VIPAS39: variants seen among roughly 807,000 people sequenced by gnomAD.
VIPAS39 encodes VPS33B interacting protein, apical-basolateral polarity regulator, spe-39 homolog, also known as spermatogenesis-defective protein 39 homolog.
VIPAS39 carries 63 observed loss-of-function variants against 84.7 expected under a neutral mutation model. The observed-to-expected ratio is 0.74, with a 90% confidence interval of 0.61 to 0.92. The LOEUF is 0.92. Ranked by LOEUF, VIPAS39 falls within the 40% of genes least tolerant of loss-of-function variation. The probability of loss-of-function intolerance (pLI) is 0.00; values close to 1 mark genes in which losing one functional copy is unlikely to be tolerated. For missense variants in VIPAS39, 499 were observed against 604.5 expected (o/e 0.83, Z 1.83); for synonymous variants, 192 against 216.5 (o/e 0.89, Z 0.99).
chr14:77,441,606 G>C (rs1352083426), intron 10 of VIPAS39, among the ~76,000 whole-genome samples: 1 of 152,134 alleles, frequency 6.6e-6, no homozygotes, highest in African/African-American at 2.4e-5. Context: ...CTGTTGGTTG[G>C]GAAAGAGTAA....
At chr14:77,438,076 G>A (rs191690853) in intron 11 of VIPAS39, among the ~76,000 whole-genome samples, 195 bp from the exon 12 acceptor site, 10 of 152,166 alleles carry the variant, frequency 6.6e-5, no homozygotes, top group African/African-American at 2.2e-4. Context: ...TGCACTGTAC[G>A]ATACAATAGC....
intron 13 of VIPAS39, 74 bp downstream of exon 13, chr14:77,435,770 T>C (rs370443188): frequency 4.9e-5 from 74 of 1,523,590 alleles, no homozygotes; most frequent in Non-Finnish European, 5.9e-5. Context: ...GTGCAGAGCA[T>C]AGAAATCTCC....
At chr14:77,453,801 T>G (rs1159753080) in intron 2 of VIPAS39, among the ~76,000 whole-genome samples, 8 of 152,112 alleles carry the variant, frequency 5.3e-5, no homozygotes, top group Admixed American at 5.2e-4. Flanking sequence ...GACTTGGGGT[T>G]CTTCAAAAGA....
chr14:77,455,511 A>G (rs148064653), intron 1 of VIPAS39, among the ~76,000 whole-genome samples: 74 of 152,284 alleles, frequency 4.9e-4, no homozygotes, highest in Middle Eastern at 3.4e-3. Flanking sequence ...CAGAATTACA[A>G]AGTAAACTAT....
intron 4 of VIPAS39, among the ~76,000 whole-genome samples, 173 bp from the exon 5 acceptor site, chr14:77,449,925 G>C (rs1419024532): frequency 1.3e-5 from 2 of 152,090 alleles, no homozygotes; most frequent in African/African-American, 4.8e-5. Flanking sequence ...AATGGAGCAG[G>C]GAGAAAATTT....
intron 12 of VIPAS39, 39 bp downstream of exon 12, chr14:77,437,769 A>G: frequency 6.3e-7 from 1 of 1,588,184 alleles, no homozygotes; most frequent in Non-Finnish European, 8.6e-7. Flanking sequence ...TTCTGGGTAA[A>G]GGTATTTATA....
At chr14:77,441,466 A>T (rs1465718704) in intron 10 of VIPAS39, among the ~76,000 whole-genome samples, 1 of 152,142 alleles carries the variant, frequency 6.6e-6, no homozygotes, top group East Asian at 1.9e-4. Flanking sequence ...TCATGGACAG[A>T]GTACAATGTG....
At chr14:77,439,185 T>A (rs1360907772) in intron 11 of VIPAS39, among the ~76,000 whole-genome samples, 1 of 152,160 alleles carries the variant, frequency 6.6e-6, no homozygotes. Context: ...AAAATCTATA[T>A]ACAACAACAT....
chr14:77,455,398 T>TC (rs1358597790), intron 1 of VIPAS39, among the ~76,000 whole-genome samples: 2 of 152,106 alleles, frequency 1.3e-5, no homozygotes, highest in East Asian at 3.9e-4. Context: ...GGTGGGAGGA[T>TC]CACCTGAGCT....
intron 16 of VIPAS39, among the ~76,000 whole-genome samples, chr14:77,432,087 G>C (rs561558519): frequency 6.6e-6 from 1 of 152,128 alleles, no homozygotes; most frequent in Non-Finnish European, 1.5e-5. Flanking sequence ...CAGGAGTTTT[G>C]CTAAATGAGT....
At position 77,429,105 on chromosome 14, in the gene VIPAS39, G is replaced by T; in HGVS notation, c.1267-10C>A. The T allele has an allele frequency of 6.2e-7, 1 of 1,612,182 alleles. No individual in the cohort carries two copies. Among genetic ancestry groups the T allele is most frequent in the Non-Finnish European group, 8.5e-7 (1 of 1,178,532 alleles). On this transcript the variant is annotated splice_polypyrimidine_tract_variant and intron_variant, in intron 17 of 19. Coordinates refer to ENST00000557658, the MANE Select transcript of VIPAS39 (RefSeq NM_001193315.2). ...CATACTCCTGTAATATCTGTGGGAAGAGGTACTTCCGATTAATGATTCAAA... is the reference window on the plus strand; with the variant it reads ...CATACTCCTGTAATATCTGTGGGAATAGGTACTTCCGATTAATGATTCAAA...
chr14:77,444,824 C>T (rs1410263641), intron 7 of VIPAS39, among the ~76,000 whole-genome samples: 2 of 151,980 alleles, frequency 1.3e-5, no homozygotes, highest in Non-Finnish European at 2.9e-5. Context: ...CCTCGTCATC[C>T]ACCCACCTCA....
At chr14:77,428,249 C>A in intron 19 of VIPAS39, 121 bp downstream of exon 19, 1 of 842,338 alleles carries the variant, frequency 1.2e-6, no homozygotes, top group South Asian at 1.4e-5. Context: ...AGAGGAGAGC[C>A]TTACATCCAT....
intron 7 of VIPAS39, among the ~76,000 whole-genome samples, chr14:77,446,624 A>C (rs184379137): frequency 5.3e-5 from 8 of 152,346 alleles, no homozygotes; most frequent in African/African-American, 9.6e-5. Flanking sequence ...TAAAGGATCT[A>C]GAACAGCCAA....
At chr14:77,456,619 C>A (rs2078964549) in intron 1 of VIPAS39, among the ~76,000 whole-genome samples, 1 of 152,234 alleles carries the variant, frequency 6.6e-6, no homozygotes, top group African/African-American at 2.4e-5. Context: ...TAGACCATTT[C>A]TAGTGTCTTG....
Position 77,435,331 on chromosome 14 carries a change from T to G in VIPAS39, c.975A>C (p.Lys325Asn). 1 of 1,612,866 alleles carries G rather than the reference T, an allele frequency of 6.2e-7. No homozygotes were observed. Among genetic ancestry groups the G allele is most frequent in the Non-Finnish European group, 8.5e-7 (1 of 1,179,696 alleles). ...QTEIFRKHPR[K>N]ASILNMPLVT... ...CTAGTGGCATGTTGAGGATGGAGGC[T>G]TTGCGGGGGTGCTTTCGGAAGATCT... The change falls in exon 14 of 20, where the codon AAA becomes AAC. Residue 325 changes from lysine (K) to asparagine (N), a missense_variant. Transcript: ENST00000557658.
intron 17 of VIPAS39, 73 bp from the exon 18 acceptor site, chr14:77,429,168 A>C: frequency 7.1e-7 from 1 of 1,407,774 alleles, no homozygotes; most frequent in Non-Finnish European, 1.0e-6. Flanking sequence ...GTAGAAAAGA[A>C]AGTCCTGAAG....
rs768269999 is a variant in VIPAS39 at position 77,444,294 on chromosome 14, G to C, written c.552C>G (p.Leu184=). 1 of 1,613,870 alleles carries C rather than the reference G, an allele frequency of 6.2e-7. No individual in the cohort carries two copies. The highest frequency in any genetic ancestry group is 2.2e-5 in the East Asian group (1 of 44,874). The change falls in exon 8 of 20, where the codon CTC becomes CTG. Residue 184 remains leucine (L), a synonymous_variant. Coordinates refer to ENST00000557658, the MANE Select transcript of VIPAS39 (RefSeq NM_001193315.2). ...RFRSLQDKLQ[L]LEEAVSMHDG... The stretch of plus-strand genomic sequence containing the variant: ...CATGCATGCTTACTGCCTCTTCTAG[G>C]AGTTGTAGTTTGTCCTGTAAGGAGC...
intron 14 of VIPAS39, 96 bp from the exon 15 acceptor site, chr14:77,434,399 T>A (rs187919311): frequency 2.8e-4 from 308 of 1,105,216 alleles, no homozygotes; most frequent in Non-Finnish European, 3.7e-4. Flanking sequence ...ACTTTCTACA[T>A]CTTACTCTGC....
Sources: allele counts gnomAD v4.1 joint callset (sites outside exome capture counted in the v4.1 genomes callset), GRCh38; gene constraint gnomAD v4.1.1; transcripts MANE v1.5; gene names NCBI Gene and HGNC (gene_info 2026-07-23, HGNC 2026-07-21).